Variants in HNRNPR observed in about 807,000 individuals in gnomAD.
HNRNPR encodes the protein heterogeneous nuclear ribonucleoprotein R.
Under a neutral mutation model 70.3 loss-of-function variants are expected in HNRNPR, and 4 were observed. The observed-to-expected ratio is 0.06, with a 90% confidence interval of 0.03 to 0.13. HNRNPR has a LOEUF of 0.13. Among genes scored for constraint, HNRNPR ranks in the 10% least tolerant of loss-of-function variants. HNRNPR has a pLI of 1.00. For synonymous variants in HNRNPR, 241 were observed against 267.6 expected (o/e 0.90, Z 0.97); for missense variants, 423 against 788.5 (o/e 0.54, Z 5.55).
intron 2 of HNRNPR, 138 bp from the exon 3 acceptor site, chr1:23,338,746 C>T (rs1253081946): frequency 2.2e-6 from 1 of 461,042 alleles, no homozygotes. Flanking sequence ...TGCATATACG[C>T]AGCTATCCAA....
At chr1:23,321,841 G>C (rs1345826984) in intron 6 of HNRNPR, among the ~76,000 whole-genome samples, 178 bp from the exon 7 acceptor site, 1 of 151,870 alleles carries the variant, frequency 6.6e-6, no homozygotes. Context: ...ACAGTCTCTT[G>C]TTTTAGTTTG....
At chr1:23,317,744 G>A (rs1486792249) in intron 8 of HNRNPR, among the ~76,000 whole-genome samples, 1 of 152,202 alleles carries the variant, frequency 6.6e-6, no homozygotes, top group Middle Eastern at 3.4e-3. Context: ...AGCACTTTGG[G>A]AGGCCAAGGC....
In HNRNPR at chr1:23,333,635, G is replaced by A. The variant is rs753439858; in HGVS notation, c.385-4C>T. 7 of 1,529,076 alleles carry A rather than the reference G, an allele frequency of 4.6e-6. No homozygotes were observed. The highest frequency in any genetic ancestry group is 6.3e-6 in the Non-Finnish European group (7 of 1,102,590). The allele number at this position is 1,529,076 out of a possible 1,614,324, so 94.7% of individuals were successfully genotyped here. On this transcript the variant is annotated splice_polypyrimidine_tract_variant and splice_region_variant and intron_variant, in intron 4 of 10. Coordinates refer to ENST00000302271, the MANE Select transcript of HNRNPR (RefSeq NM_005826.5). ...AACCAGTTCTCTCAAGCAAGGCCTA[G>A]AGATAATTATACATCTCTTTATACT...
At chr1:23,339,586 G>A (rs1489431352) in intron 2 of HNRNPR, among the ~76,000 whole-genome samples, 1 of 152,118 alleles carries the variant, frequency 6.6e-6, no homozygotes, top group Non-Finnish European at 1.5e-5. Context: ...AAGTTCATAT[G>A]AACATGAAAA....
intron 7 of HNRNPR, among the ~76,000 whole-genome samples, chr1:23,321,254 G>C (rs1041831452): frequency 1.3e-5 from 2 of 151,606 alleles, no homozygotes; most frequent in African/African-American, 2.4e-5. Context: ...ATTGTCAAGG[G>C]GAAAAAAAGC....
Position 23,323,441 on chromosome 1 carries a change from A to G in HNRNPR, c.675+115T>C, listed in dbSNP as rs367912260. On this transcript the variant is annotated intron_variant, in intron 6 of 10. Transcript: ENST00000302271. ...CACATACCAACTTGGTCAGTATAAA[A>G]ACATTCCAAGCAACAACTGAAGAAA... 5.9e-6 allele frequency: 6 copies of G among 1,010,568 alleles called. No homozygotes were observed. In the East Asian group the frequency reaches 1.4e-4, roughly 24 times the overall value. The allele number at this position is 1,010,568 out of a possible 1,614,324, so 62.6% of individuals were successfully genotyped here.
intron 1 of HNRNPR, among the ~76,000 whole-genome samples, chr1:23,343,243 G>A (rs1341033818): frequency 6.6e-6 from 1 of 152,086 alleles, no homozygotes; most frequent in Non-Finnish European, 1.5e-5. Context: ...GGGAGATTCG[G>A]GATGTCAGCA....
intron 1 of HNRNPR, 50 bp from the exon 2 acceptor site, chr1:23,341,067 G>T: frequency 7.1e-7 from 1 of 1,406,042 alleles, no homozygotes; most frequent in South Asian, 1.3e-5. Flanking sequence ...GAAATAACTA[G>T]TTTGTAGGAC....
At chr1:23,333,225 T>C (rs899056286) in intron 5 of HNRNPR, among the ~76,000 whole-genome samples, 5 of 152,028 alleles carry the variant, frequency 3.3e-5, no homozygotes, top group Non-Finnish European at 7.4e-5. Flanking sequence ...AATTGCGTCT[T>C]CCAAATAACT....
intron 1 of HNRNPR, among the ~76,000 whole-genome samples, chr1:23,342,768 G>C (rs954334704): frequency 6.6e-6 from 1 of 152,058 alleles, no homozygotes; most frequent in Admixed American, 6.5e-5. Flanking sequence ...ACAGAAAAGA[G>C]GCAAATTTTT....
chr1:23,327,833 T>G (rs1646051497), intron 5 of HNRNPR, among the ~76,000 whole-genome samples: 1 of 151,774 alleles, frequency 6.6e-6, no homozygotes, highest in Non-Finnish European at 1.5e-5. Context: ...GGGGTAAATT[T>G]GAGCTGAGAT....
chr1:23,320,121 G>C (rs770442331), intron 7 of HNRNPR, among the ~76,000 whole-genome samples: 1 of 152,156 alleles, frequency 6.6e-6, no homozygotes, highest in Non-Finnish European at 1.5e-5. Context: ...TTAGCCATCA[G>C]TGTATCCCAG....
At position 23,310,787 on chromosome 1, in the gene HNRNPR, T is replaced by C; in HGVS notation, c.1569A>G (p.Pro523=). ...TCTGTGAATAGCCAGCTCTACCTCTTGGAGGTGGTGCTCCCCTCCCCCTTG... is the reference window on the plus strand; with the variant it reads ...TCTGTGAATAGCCAGCTCTACCTCTCGGAGGTGGTGCTCCCCTCCCCCTTG... ...PPPRGRGAPP[P]RGRAGYSQRG... The change falls in exon 11 of 11, where the codon CCA becomes CCG. Residue 523 remains proline (P), a synonymous_variant. Transcript: ENST00000302271. This position sits in a 1 kb window ranked among gnomAD's most constrained non-coding sequence, Gnocchi z 6.0. 6.2e-7 allele frequency: 1 copy of C among 1,613,990 alleles called. No homozygotes were observed. Among genetic ancestry groups the C allele is most frequent in the South Asian group, 1.1e-5 (1 of 91,066 alleles).
At chr1:23,336,341 G>A (rs1228076985) in intron 4 of HNRNPR, among the ~76,000 whole-genome samples, 2 of 151,000 alleles carry the variant, frequency 1.3e-5, no homozygotes, top group Admixed American at 6.6e-5. Flanking sequence ...CGAGGCGGGC[G>A]GATCATGAGG....
chr1:23,323,864 TAC>T (rs1166944373), intron 5 of HNRNPR, 132 bp from the exon 6 acceptor site: 1 of 710,838 alleles, frequency 1.4e-6, no homozygotes, highest in Non-Finnish European at 2.4e-6. Context: ...ATCTGAAACT[TAC>T]AGTTGACTTG....
In HNRNPR at chr1:23,310,242, CTCT is replaced by C; in HGVS notation, c.*209_*211del. ...CATTGTAATCCCCAGAATAAGGGAA[CTCT>C]GCAAGCCCAATAATGTCCAAGAGCA... On this transcript the variant is annotated 3_prime_UTR_variant, in exon 11 of 11. Coordinates refer to ENST00000302271, the MANE Select transcript of HNRNPR (RefSeq NM_005826.5). This position sits in a 1 kb window ranked among gnomAD's most constrained non-coding sequence, Gnocchi z 6.0. 1 of 430,206 alleles carries C rather than the reference CTCT, an allele frequency of 2.3e-6. No individual in the cohort carries two copies. Among genetic ancestry groups the C allele is most frequent in the South Asian group, 5.6e-5 (1 of 17,920 alleles). The allele number at this position is 430,206 out of a possible 1,614,324, so 26.6% of individuals were successfully genotyped here. A position where few individuals can be genotyped will look rare whatever the true frequency, so the allele number is the denominator to read the frequency against.
intron 8 of HNRNPR, among the ~76,000 whole-genome samples, chr1:23,313,959 A>T (rs963246212): frequency 3.3e-5 from 5 of 152,168 alleles, no homozygotes; most frequent in Non-Finnish European, 7.4e-5. Context: ...GAACCAACAC[A>T]TAATTATTAT....
intron 1 of HNRNPR, among the ~76,000 whole-genome samples, chr1:23,343,552 T>C (rs1258857726): frequency 6.6e-6 from 1 of 152,240 alleles, no homozygotes; most frequent in Non-Finnish European, 1.5e-5. Context: ...GGTGCGCCTC[T>C]GACAGTCTCA....
intron 5 of HNRNPR, among the ~76,000 whole-genome samples, chr1:23,324,193 G>C (rs1478576022): frequency 1.3e-5 from 2 of 151,396 alleles, no homozygotes; most frequent in Non-Finnish European, 2.9e-5. Flanking sequence ...AAATAAAAAT[G>C]AATAAAAATA....
Sources: gnomAD v4.1 joint callset for allele counts (sites outside exome capture counted in the v4.1 genomes callset) on GRCh38, gnomAD v4.1.1 for gene constraint, Gnocchi (gnomAD v3.1) non-coding constraint, MANE v1.5 for transcripts, NCBI Gene and HGNC (gene_info 2026-07-23, HGNC 2026-07-21) for gene names.